GRID2: variants seen among roughly 807,000 people sequenced by gnomAD.
GRID2 encodes the protein glutamate receptor ionotropic, delta-2.
In GRID2, 33 loss-of-function variants were observed where a neutral mutation model predicts 114.8. That is an observed-to-expected ratio of 0.29 (90% confidence interval 0.22 to 0.38). The LOEUF (loss-of-function observed/expected upper bound fraction) is 0.38, where lower values mean the gene tolerates loss of function less well. GRID2 is among the 10% of genes least tolerant of loss of function. The pLI, the probability that GRID2 is intolerant of heterozygous loss-of-function variation, is 1.00. For synonymous variants in GRID2, 505 were observed against 449.9 expected (o/e 1.12, Z -1.55); for missense variants, 1,184 against 1,257.7 (o/e 0.94, Z 0.89).
intron 1 of GRID2, among the ~76,000 whole-genome samples, chr4:92,540,035 A>G (rs1365173879): frequency 6.6e-6 from 1 of 152,222 alleles, no homozygotes; most frequent in African/African-American, 2.4e-5. Flanking sequence ...GACAAAAACA[A>G]GAAATGGGGA....
At chr4:92,759,172 G>T (rs530435923) in intron 2 of GRID2, among the ~76,000 whole-genome samples, 1 of 152,254 alleles carries the variant, frequency 6.6e-6, no homozygotes. Flanking sequence ...ATCTCAAAAT[G>T]TCATTCCTTC....
chr4:92,757,011 A>G (rs1737750209), intron 2 of GRID2, among the ~76,000 whole-genome samples: 1 of 152,032 alleles, frequency 6.6e-6, no homozygotes, highest in South Asian at 2.1e-4. Context: ...ATTCTTACCC[A>G]TAAAATCTTG....
intron 4 of GRID2, among the ~76,000 whole-genome samples, chr4:93,162,833 C>T (rs1037537601): frequency 1.3e-5 from 2 of 151,792 alleles, no homozygotes; most frequent in Admixed American, 1.3e-4. Flanking sequence ...GATAATAGAA[C>T]ACCCAAGAGG....
At chr4:92,491,295 T>C (rs1429333228) in intron 1 of GRID2, among the ~76,000 whole-genome samples, 1 of 152,160 alleles carries the variant, frequency 6.6e-6, no homozygotes, top group Non-Finnish European at 1.5e-5. Flanking sequence ...TAAGGGGTCT[T>C]AGATAATATC....
chr4:92,770,091 C>G (rs1038254177), intron 2 of GRID2, among the ~76,000 whole-genome samples: 7 of 152,168 alleles, frequency 4.6e-5, no homozygotes, highest in Middle Eastern at 3.2e-3. Flanking sequence ...CTCAAGTCAC[C>G]TCTTGAATGC....
intron 1 of GRID2, among the ~76,000 whole-genome samples, chr4:92,469,212 G>A (rs968768345): frequency 3.9e-5 from 6 of 152,004 alleles, no homozygotes; most frequent in Non-Finnish European, 7.4e-5. Flanking sequence ...TTTTTCTTCA[G>A]TGTCAAGTGC....
chr4:92,631,019 A>G (rs1730782694), intron 2 of GRID2, among the ~76,000 whole-genome samples: 1 of 151,774 alleles, frequency 6.6e-6, no homozygotes, highest in African/African-American at 2.4e-5. Context: ...AATGAGAAAA[A>G]AAAAAAGAAA....
intron 7 of GRID2, among the ~76,000 whole-genome samples, chr4:93,226,281 C>T (rs1745473644): frequency 6.6e-6 from 1 of 152,128 alleles, no homozygotes; most frequent in Admixed American, 6.6e-5. Flanking sequence ...TCACATGATT[C>T]ATCATGACGC....
At chr4:92,955,339 A>T (rs896676059) in intron 2 of GRID2, among the ~76,000 whole-genome samples, 8 of 151,792 alleles carry the variant, frequency 5.3e-5, no homozygotes, top group South Asian at 4.2e-4. Context: ...CTCATTGTGG[A>T]TTTGATTTGC....
intron 2 of GRID2, among the ~76,000 whole-genome samples, chr4:92,802,938 T>C (rs990591528): frequency 1.3e-5 from 2 of 152,006 alleles, no homozygotes; most frequent in Admixed American, 6.6e-5. Flanking sequence ...TAGAACCATA[T>C]GTGAATCCCA....
chr4:92,502,980 T>C (rs2149124990), intron 1 of GRID2, among the ~76,000 whole-genome samples: 1 of 152,110 alleles, frequency 6.6e-6, no homozygotes, highest in East Asian at 1.9e-4. Context: ...CTTCCCAAAG[T>C]GCTGGGATTA....
intron 2 of GRID2, among the ~76,000 whole-genome samples, chr4:92,741,203 T>G (rs956437108): frequency 6.6e-6 from 1 of 152,162 alleles, no homozygotes; most frequent in African/African-American, 2.4e-5. Flanking sequence ...TTCCTTTCAC[T>G]GTAAAATGGG....
At chr4:93,108,105 A>G (rs759561346) in intron 3 of GRID2, among the ~76,000 whole-genome samples, 2 of 151,842 alleles carry the variant, frequency 1.3e-5, no homozygotes, top group African/African-American at 2.4e-5. Flanking sequence ...CTCCTTATCT[A>G]TTTGCTTGGA....
chr4:92,725,462 A>G (rs1736024189), intron 2 of GRID2, among the ~76,000 whole-genome samples: 1 of 152,176 alleles, frequency 6.6e-6, no homozygotes. Flanking sequence ...AATATTAACT[A>G]CTATATCTAG....
chr4:93,226,476 G>A (rs558763692), intron 7 of GRID2, among the ~76,000 whole-genome samples: 5 of 152,284 alleles, frequency 3.3e-5, no homozygotes, highest in East Asian at 3.9e-4. Context: ...TCATAAAGCC[G>A]AGAAACAATA....
intron 2 of GRID2, among the ~76,000 whole-genome samples, chr4:93,072,208 CT>C (rs1255148446): frequency 1.3e-5 from 2 of 151,794 alleles, no homozygotes; most frequent in Non-Finnish European, 2.9e-5. Context: ...CAAGCTGTAA[CT>C]TTTCTCAAAG....
intron 1 of GRID2, among the ~76,000 whole-genome samples, chr4:92,337,613 G>A (rs1030584948): frequency 1.3e-5 from 2 of 152,184 alleles, no homozygotes; most frequent in Non-Finnish European, 2.9e-5. Context: ...AAGTGAGCAA[G>A]AGAGGAGCTA....
intron 4 of GRID2, among the ~76,000 whole-genome samples, chr4:93,146,118 G>T (rs72887689): frequency 2.4e-4 from 37 of 151,994 alleles, no homozygotes; most frequent in African/African-American, 9.0e-4. Context: ...TATGAATTAT[G>T]TAGAAGGCCT....
At chr4:93,452,923 T>C (rs1722822969) in intron 10 of GRID2, among the ~76,000 whole-genome samples, 1 of 151,708 alleles carries the variant, frequency 6.6e-6, no homozygotes, top group African/African-American at 2.4e-5. Context: ...AGTTTTAGGG[T>C]ACATGTGCAC....
Sources: allele counts gnomAD v4.1 joint callset (sites outside exome capture counted in the v4.1 genomes callset), GRCh38; gene constraint gnomAD v4.1.1; transcripts MANE v1.5; gene names NCBI Gene and HGNC (gene_info 2026-07-23, HGNC 2026-07-21).